Variants in EGF observed in about 807,000 individuals in gnomAD.
The protein encoded by EGF is epidermal growth factor, also known as pro-epidermal growth factor.
Under a neutral mutation model 143.8 loss-of-function variants are expected in EGF, and 95 were observed. That is an observed-to-expected ratio of 0.66 (90% CI 0.56 to 0.78). EGF has a LOEUF of 0.78. Among genes scored for constraint, EGF ranks in the 30% least tolerant of loss-of-function variants. The pLI, the probability that EGF is intolerant of heterozygous loss-of-function variation, is 0.00. For missense variants in EGF, 1,320 were observed against 1,470.9 expected (o/e 0.90, Z 1.68); for synonymous variants, 510 against 510.5 (o/e 1.00, Z 0.01).
At chr4:109,975,917 T>C in intron 12 of EGF, 95 bp from the exon 13 acceptor site, 4 of 1,343,590 alleles carry the variant, frequency 3.0e-6, no homozygotes, top group Non-Finnish European at 4.3e-6. Flanking sequence ...CTTTAGTATA[T>C]CATGAGGTAA....
intron 16 of EGF, among the ~76,000 whole-genome samples, chr4:109,986,938 A>G (rs918464878): frequency 6.6e-6 from 1 of 152,222 alleles, no homozygotes. Flanking sequence ...ACACATTGTG[A>G]CATACATATT....
chr4:109,958,505 C>A (rs1247796382), intron 5 of EGF, among the ~76,000 whole-genome samples: 1 of 152,050 alleles, frequency 6.6e-6, no homozygotes, highest in African/African-American at 2.4e-5. Context: ...ACACTGGCAG[C>A]AATAACTACA....
chr4:109,960,964 G>A lies in EGF; in HGVS notation c.1164G>A (p.Leu388=). Residue 388 remains leucine (L), a synonymous_variant, in exon 7 of 24, where the codon CTG becomes CTA. Transcript: ENST00000265171. ...YYCTCPVGFV[L]LPDGKRCHQL... is the part of the protein sequence containing the mutation. ...GCACGTGCCCTGTAGGATTTGTTCT[G>A]CTTCCTGATGGGAAACGATGTCATC... 1.2e-6 allele frequency: 2 copies of A among 1,613,862 alleles called. No homozygotes were observed. The highest frequency in any genetic ancestry group is 2.2e-5 in the South Asian group (2 of 91,064).
Position 109,961,845 on chromosome 4 carries a change from T to G in EGF, c.1190-18T>G, listed in dbSNP as rs771762009. 1 of 1,613,242 alleles carries G rather than the reference T, an allele frequency of 6.2e-7. No individual in the cohort carries two copies. The highest frequency in any genetic ancestry group is 8.5e-7 in the Non-Finnish European group (1 of 1,179,404). On this transcript the variant is annotated intron_variant, in intron 7 of 23. Transcript: ENST00000265171. ...ACCCGATTTAACACTAATCTTGACC[T>G]TGTTCTTTATTAATTAGAACTTGTT...
rs78854129 is a variant in EGF at position 109,966,505 on chromosome 4, C to T, written c.1575+1968C>T. 0.013 allele frequency among the ~76,000 whole-genome samples: 1,979 copies of T among 152,126 alleles called. 205 individuals are homozygous for T. In the East Asian group the frequency reaches 0.23, roughly 18 times the overall value. ...TATGAATAGTGCTGTGATAAACATACAAGTGCAGGTGTCTTTTTGATATAA... is the reference window on the plus strand; with the variant it reads ...TATGAATAGTGCTGTGATAAACATATAAGTGCAGGTGTCTTTTTGATATAA... On this transcript the variant is annotated intron_variant, in intron 10 of 23. Coordinates refer to ENST00000265171, the MANE Select transcript of EGF (RefSeq NM_001963.6).
rs551932249 is a variant in EGF at position 109,923,262 on chromosome 4, A to G, written c.127+9800A>G. ...TGACCAGTGTAGGATTAATGAGAACAGTGAAACTGGGCTCAGGAAATAGCA... is the reference window on the plus strand; with the variant it reads ...TGACCAGTGTAGGATTAATGAGAACGGTGAAACTGGGCTCAGGAAATAGCA... On this transcript the variant is annotated intron_variant, in intron 1 of 23. Transcript: ENST00000265171. Among the ~76,000 whole-genome samples the G allele has an allele frequency of 1.3e-4, 19 of 151,762 alleles. 2 individuals carry two copies. Among genetic ancestry groups the G allele is most frequent in the African/African-American group, 4.4e-4 (18 of 41,032 alleles).
At chr4:109,960,721 G>T (rs1156624946) in intron 6 of EGF, 146 bp from the exon 7 acceptor site, 7 of 838,760 alleles carry the variant, frequency 8.3e-6, no homozygotes, top group Non-Finnish European at 1.3e-5. Context: ...TTTACCCTTT[G>T]CTAGAGTATG....
intron 5 of EGF, among the ~76,000 whole-genome samples, chr4:109,951,273 A>G (rs1470512814): frequency 6.6e-6 from 1 of 152,142 alleles, no homozygotes; most frequent in Non-Finnish European, 1.5e-5. Context: ...CAGGAGAACC[A>G]CTTGAACTCA....
At chr4:109,943,053 T>C (rs11568897) in intron 2 of EGF, among the ~76,000 whole-genome samples, 253 of 152,300 alleles carry the variant, frequency 1.7e-3, no homozygotes, top group African/African-American at 5.8e-3. Flanking sequence ...TCCAGAAATA[T>C]TTACTTAAGG....
At position 109,933,424 on chromosome 4, in the gene EGF, CTTTTTTT is replaced by C. The variant is rs11301315; in HGVS notation, c.128-7514_128-7508del. On this transcript the variant is annotated intron_variant, in intron 1 of 23. Coordinates refer to ENST00000265171, the MANE Select transcript of EGF (RefSeq NM_001963.6). ...GCCTCTTGTAGCATTTCTTTTTTTT[CTTTTTTT>C]TTTTTTTATACTTTAAGTTCTACAG... Among the ~76,000 whole-genome samples the C allele has an allele frequency of 2.1e-5, 3 of 143,776 alleles. No individual in the cohort carries two copies. In the East Asian group the frequency reaches 6.1e-4, roughly 29 times the overall value. The allele number at this position is 143,776 out of a possible 152,430, so 94.3% of individuals were successfully genotyped here.
At chr4:109,988,501 A>G (rs1750473188) in intron 17 of EGF, 83 bp from the exon 18 acceptor site, 1 of 1,590,650 alleles carries the variant, frequency 6.3e-7, no homozygotes, top group African/African-American at 1.3e-5. Flanking sequence ...AATTGAATAT[A>G]CGATTATGCT....
chr4:109,960,737 C>A, intron 6 of EGF, 130 bp from the exon 7 acceptor site: 1 of 1,042,636 alleles, frequency 9.6e-7, no homozygotes, highest in Non-Finnish European at 1.4e-6. Context: ...GTATGGAAAA[C>A]AGACTTTCCA....
At chr4:109,970,257 A>G (rs1159525284) in intron 11 of EGF, among the ~76,000 whole-genome samples, 1 of 152,178 alleles carries the variant, frequency 6.6e-6, no homozygotes, top group African/African-American at 2.4e-5. Flanking sequence ...TTACAGAACT[A>G]TAAGAGAAGC....
chr4:109,939,840 A>T (rs1279772372), intron 1 of EGF, among the ~76,000 whole-genome samples: 1 of 152,240 alleles, frequency 6.6e-6, no homozygotes. Flanking sequence ...ACTTTTGATG[A>T]TAAAACAGAA....
intron 19 of EGF, among the ~76,000 whole-genome samples, chr4:109,993,652 AAT>A (rs1751357752): frequency 6.6e-6 from 1 of 152,138 alleles, no homozygotes; most frequent in Non-Finnish European, 1.5e-5. Flanking sequence ...CACTATTTGT[AAT>A]GTCAATTTGT....
Position 109,941,095 on chromosome 4 carries a change from T to G in EGF, c.277T>G (p.Leu93Val). The G allele has an allele frequency of 5.0e-6, 8 of 1,614,032 alleles. No homozygotes were observed. Among genetic ancestry groups the G allele is most frequent in the Non-Finnish European group, 6.8e-6 (8 of 1,179,966 alleles). The change falls in exon 2 of 24, where the codon TTA (leucine) becomes GTA (valine). Residue 93 changes from leucine to valine, a missense_variant. Physicochemically the swap from Leu to Val is conservative, Grantham distance 32. Transcript: ENST00000265171. ...TGAGAAAAGAATCTATTGGGTGGAT[T>G]TAGAAAGACAACTTTTGCAAAGAGT... ...YNEKRIYWVD[L>V]ERQLLQRVFL...
intron 20 of EGF, among the ~76,000 whole-genome samples, chr4:109,997,386 A>G (rs1474718983): frequency 6.6e-6 from 1 of 152,164 alleles, no homozygotes; most frequent in Non-Finnish European, 1.5e-5. Flanking sequence ...CTTGATTCAT[A>G]GTATATACCA....
intron 10 of EGF, among the ~76,000 whole-genome samples, chr4:109,965,125 T>A (rs1206589247): frequency 1.3e-5 from 2 of 152,180 alleles, no homozygotes; most frequent in African/African-American, 4.8e-5. Flanking sequence ...GGCCATTTGA[T>A]CTCTAATTTC....
At position 109,913,243 on chromosome 4, in the gene EGF, GC is replaced by G; in HGVS notation, c.-91del. On this transcript the variant is annotated 5_prime_UTR_variant, in exon 1 of 24. Transcript: ENST00000265171. ...CAGGGCTGAGGCCTCCGCTCAGGCA[GC>G]CGCATCTGGGGTCAATCATACTCAC... 1 of 1,543,764 alleles carries G rather than the reference GC, an allele frequency of 6.5e-7. No individual in the cohort carries two copies. The highest frequency in any genetic ancestry group is 1.7e-5 in the Admixed American group (1 of 59,470).
Sources: gnomAD v4.1 joint callset for allele counts (sites outside exome capture counted in the v4.1 genomes callset) on GRCh38, gnomAD v4.1.1 for gene constraint, MANE v1.5 for transcripts, NCBI Gene and HGNC (gene_info 2026-07-23, HGNC 2026-07-21) for gene names.